Variants in ERP29 observed in about 807,000 individuals in gnomAD.
ERP29 encodes the protein endoplasmic reticulum protein 29.
A neutral mutation model predicts 21.7 loss-of-function variants in ERP29; 14 were observed. The ratio of observed to expected loss-of-function variants is 0.64; its 90% CI spans 0.43 to 1.01. The LOEUF (loss-of-function observed/expected upper bound fraction) is 1.01, where lower values mean the gene tolerates loss of function less well. Ranked by LOEUF, ERP29 falls within the 50% of genes least tolerant of loss-of-function variation. The pLI, the probability that ERP29 is intolerant of heterozygous loss-of-function variation, is 0.00. For missense variants in ERP29, 286 were observed against 327.3 expected, an observed-to-expected ratio of 0.87 and a Z score of 0.97; for synonymous variants, 129 against 139.1, an observed-to-expected ratio of 0.93 and a Z score of 0.51.
intron 1 of ERP29, among the ~76,000 whole-genome samples, chr12:112,018,304 C>T (rs1290276030): frequency 6.6e-6 from 1 of 151,880 alleles, no homozygotes; most frequent in Non-Finnish European, 1.5e-5. Context: ...TGTGTGCCAC[C>T]ATGACTGGCT....
chr12:112,021,625 G>A (rs1016013733), intron 2 of ERP29, among the ~76,000 whole-genome samples: 2 of 141,980 alleles, frequency 1.4e-5, no homozygotes, highest in Non-Finnish European at 3.0e-5. Flanking sequence ...CTGGGTTCAA[G>A]CGATTCTTCT....
At position 112,013,628 on chromosome 12, in the gene ERP29, G is replaced by A. The variant is rs1302779156; in HGVS notation, c.144+19G>A. ...CTACAAGGTAACCGGGGCGGGGGAC[G>A]TCGCGCGCAGGTGCCGCCGGGGCGC... On this transcript the variant is annotated intron_variant, in intron 1 of 2. Transcript: ENST00000261735. The A allele has an allele frequency of 2.0e-6, 3 of 1,526,466 alleles. No homozygotes were observed. The highest frequency in any genetic ancestry group is 1.2e-5 in the South Asian group (1 of 82,394). 94.6% of individuals were successfully genotyped at this position (1,526,466 alleles called of 1,614,324 possible).
intron 1 of ERP29, among the ~76,000 whole-genome samples, chr12:112,017,267 T>C (rs866779862): frequency 6.6e-6 from 1 of 152,204 alleles, no homozygotes; most frequent in African/African-American, 2.4e-5. Flanking sequence ...AGGTCCTTAT[T>C]CTCATAAATG....
intron 2 of ERP29, among the ~76,000 whole-genome samples, chr12:112,021,942 CAG>C (rs1283337609): frequency 5.3e-5 from 8 of 152,262 alleles, no homozygotes; most frequent in African/African-American, 1.7e-4. Flanking sequence ...AAGAACAGTT[CAG>C]AGAGTTTAAA....
chr12:112,015,698 A>G (rs1302179668), intron 1 of ERP29, among the ~76,000 whole-genome samples: 1 of 152,042 alleles, frequency 6.6e-6, no homozygotes, highest in East Asian at 1.9e-4. Flanking sequence ...TACTATTACC[A>G]CCCTAGTCTA....
chr12:112,016,521 G>A (rs2078013560), intron 1 of ERP29, among the ~76,000 whole-genome samples: 1 of 152,204 alleles, frequency 6.6e-6, no homozygotes. Context: ...CTTTAAAGAA[G>A]TGAGTTGCCT....
chr12:112,022,657 G>C lies in ERP29; in HGVS notation c.*5G>C, dbSNP rs1565989926. ...GCCGAGAAAGAGGAGCTGTAAAAAGGCTGTCTGTGATTTTCCAGGGTTTGG... is the reference window on the plus strand; with the variant it reads ...GCCGAGAAAGAGGAGCTGTAAAAAGCCTGTCTGTGATTTTCCAGGGTTTGG... On this transcript the variant is annotated 3_prime_UTR_variant, in exon 3 of 3. Coordinates refer to ENST00000261735, the MANE Select transcript of ERP29 (RefSeq NM_006817.4). The C allele has an allele frequency of 2.5e-6, 4 of 1,597,834 alleles. No individual in the cohort carries two copies. Among genetic ancestry groups the C allele is most frequent in the Non-Finnish European group, 3.4e-6 (4 of 1,172,018 alleles).
Position 112,019,865 on chromosome 12 carries a change from A to T in ERP29, c.254A>T (p.Asp85Val). Residue 85 changes from aspartate (D) to valine (V), a missense_variant, in exon 2 of 3, where the codon GAT becomes GTT. Physicochemically the swap from Asp to Val is radical, Grantham distance 152 (BLOSUM62 -3). Transcript: ENST00000261735. ...RLAENSASSD[D>V]LLVAEVGISD... ...GCTGAAAACTCGGCTTCCAGCGATG[A>T]TCTCTTGGTGGCAGAGGTGGGGATC... 1 of 1,613,866 alleles carries T rather than the reference A, an allele frequency of 6.2e-7. No individual in the cohort carries two copies. Among genetic ancestry groups the T allele is most frequent in the Non-Finnish European group, 8.5e-7 (1 of 1,179,958 alleles).
In ERP29 at chr12:112,022,343, T is replaced by C; in HGVS notation, c.477T>C (p.Pro159=). Residue 159 remains proline, a synonymous_variant, in exon 3 of 3, where the codon CCT becomes CCC. Transcript: ENST00000261735. ...GVYLGMPGCL[P]VYDALAGEFI... Reference sequence around the variant, plus strand: ...ACCTAGGTATGCCTGGTTGCCTGCCTGTATACGACGCCCTGGCCGGGGAGT... The same window carrying C: ...ACCTAGGTATGCCTGGTTGCCTGCCCGTATACGACGCCCTGGCCGGGGAGT... 2 of 1,613,972 alleles carry C rather than the reference T, an allele frequency of 1.2e-6. No individual in the cohort carries two copies. The highest frequency in any genetic ancestry group is 2.2e-5 in the South Asian group (2 of 91,072).
chr12:112,017,783 C>CT (rs1179680378), intron 1 of ERP29, among the ~76,000 whole-genome samples: 24,100 of 124,062 alleles, frequency 0.19, 3,065 homozygotes, highest in African/African-American at 0.35. Flanking sequence ...CTTTTTTTTT[C>CT]TTTTTTTTTT....
chr12:112,013,623 G>A lies in ERP29; in HGVS notation c.144+14G>A, dbSNP rs533272104. 3.1e-5 allele frequency: 48 copies of A among 1,537,278 alleles called. No individual in the cohort carries two copies. In the South Asian group the frequency reaches 3.5e-4, roughly 11 times the overall value. Reference sequence around the variant, plus strand: ...ACTTTCTACAAGGTAACCGGGGCGGGGGACGTCGCGCGCAGGTGCCGCCGG... The same window carrying A: ...ACTTTCTACAAGGTAACCGGGGCGGAGGACGTCGCGCGCAGGTGCCGCCGG... On this transcript the variant is annotated intron_variant, in intron 1 of 2. Transcript: ENST00000261735.
At chr12:112,018,848 A>G (rs1332041270) in intron 1 of ERP29, 1 of 152,258 alleles carries the variant, frequency 6.6e-6, no homozygotes, top group African/African-American at 2.4e-5. Context: ...CAGTGTGCCA[A>G]TACATGGTAC....
intron 1 of ERP29, 138 bp downstream of exon 1, chr12:112,013,747 C>T (rs2077963883): frequency 1.1e-6 from 1 of 929,832 alleles, no homozygotes; most frequent in Non-Finnish European, 1.6e-6. Flanking sequence ...CGGCGTCCTA[C>T]AGGCCTAGTG....
chr12:112,018,309 C>T (rs2078025857), intron 1 of ERP29, among the ~76,000 whole-genome samples: 1 of 151,650 alleles, frequency 6.6e-6, no homozygotes, highest in South Asian at 2.1e-4. Context: ...GCCACCATGA[C>T]TGGCTAATTT....
chr12:112,019,415 T>A, intron 1 of ERP29: 1 of 346,152 alleles, frequency 2.9e-6, no homozygotes, highest in Non-Finnish European at 5.6e-6. Flanking sequence ...ATGATGAGCA[T>A]GACAGGGGCT....
Position 112,020,409 on chromosome 12 carries a change from T to C in ERP29, c.283+515T>C, listed in dbSNP as rs542426457. ...GACAGGGTAAAGATCTGCACCCCCA[T>C]TGCATTTTAAATCTTCACTTGAACT... On this transcript the variant is annotated intron_variant, in intron 2 of 2. Transcript: ENST00000261735. 7.4e-4 allele frequency among the ~76,000 whole-genome samples: 112 copies of C among 152,284 alleles called. No homozygotes were observed. The Middle Eastern group carries it at 0.037, about 51-fold the overall frequency.
In ERP29 at chr12:112,022,813, C is replaced by T. The variant is rs1344388763; in HGVS notation, c.*161C>T. Reference sequence around the variant, plus strand: ...TGCCTGGACATTGATGCTAACATGACCATGCTTGGGATGTCTCTAGCTGGT... The same window carrying T: ...TGCCTGGACATTGATGCTAACATGATCATGCTTGGGATGTCTCTAGCTGGT... On this transcript the variant is annotated 3_prime_UTR_variant, in exon 3 of 3. Transcript: ENST00000261735. 3 of 710,838 alleles carry T rather than the reference C, an allele frequency of 4.2e-6. No homozygotes were observed. The Admixed American group carries it at 8.8e-5, about 21-fold the overall frequency. The allele number at this position is 710,838 out of a possible 1,614,324, so 44.0% of individuals were successfully genotyped here.
chr12:112,019,637 A>G, intron 1 of ERP29, 119 bp from the exon 2 acceptor site: 2 of 1,157,654 alleles, frequency 1.7e-6, no homozygotes, highest in Non-Finnish European at 2.6e-6. Context: ...AGTTTGTGAG[A>G]GCTTGCCTCC....
At chr12:112,020,281 T>C (rs1419012493) in intron 2 of ERP29, among the ~76,000 whole-genome samples, 1 of 152,194 alleles carries the variant, frequency 6.6e-6, no homozygotes, top group Non-Finnish European at 1.5e-5. Context: ...GTACCAAAAC[T>C]GTTAGGTTTT....
Sources: gnomAD v4.1 joint callset for allele counts (sites outside exome capture counted in the v4.1 genomes callset) on GRCh38, gnomAD v4.1.1 for gene constraint, MANE v1.5 for transcripts, NCBI Gene and HGNC (gene_info 2026-07-23, HGNC 2026-07-21) for gene names.